Variants in PITPNC1 observed in about 807,000 individuals in gnomAD.
The protein encoded by PITPNC1 is cytoplasmic phosphatidylinositol transfer protein 1.
In PITPNC1, 18 loss-of-function variants were observed where a neutral mutation model predicts 44.7. That is an observed-to-expected ratio of 0.40 (90% CI 0.28 to 0.60). PITPNC1 has a LOEUF of 0.60. Ranked by LOEUF, PITPNC1 falls within the 20% of genes least tolerant of loss-of-function variation. The pLI is 0.39. For missense variants in PITPNC1, 290 were observed against 418.4 expected, an observed-to-expected ratio of 0.69 and a Z score of 2.68; for synonymous variants, 141 against 149.6, an observed-to-expected ratio of 0.94 and a Z score of 0.42.
intron 2 of PITPNC1, among the ~76,000 whole-genome samples, chr17:67,534,638 CAAAAA>C (rs935531202): frequency 1.2e-4 from 15 of 128,682 alleles, no homozygotes; most frequent in Middle Eastern, 3.9e-3. Context: ...GACCTTGTCT[CAAAAA>C]AAAAGAAAAG....
At chr17:67,674,988 G>C (rs2042577208) in intron 7 of PITPNC1, among the ~76,000 whole-genome samples, 1 of 147,862 alleles carries the variant, frequency 6.8e-6, no homozygotes, top group Non-Finnish European at 1.5e-5. Flanking sequence ...CTCCAGCTTG[G>C]CGACAGAGTA....
chr17:67,436,996 T>C (rs1423261993), intron 1 of PITPNC1, among the ~76,000 whole-genome samples: 1 of 135,524 alleles, frequency 7.4e-6, no homozygotes, highest in African/African-American at 2.7e-5. Flanking sequence ...CACAGTTCAC[T>C]GCAGCCTTGA....
At chr17:67,490,531 G>A (rs1333007323) in intron 1 of PITPNC1, among the ~76,000 whole-genome samples, 3 of 152,048 alleles carry the variant, frequency 2.0e-5, no homozygotes, top group East Asian at 1.9e-4. Flanking sequence ...GAGAGCCCCC[G>A]GGTGTGAACC....
At chr17:67,537,929 G>A (rs909319929) in intron 2 of PITPNC1, among the ~76,000 whole-genome samples, 3 of 151,058 alleles carry the variant, frequency 2.0e-5, no homozygotes, top group Admixed American at 1.3e-4. Context: ...CCAAGATCGC[G>A]CCAGTGCACT....
intron 6 of PITPNC1, among the ~76,000 whole-genome samples, chr17:67,661,016 G>A (rs760511348): frequency 5.5e-5 from 8 of 144,472 alleles, no homozygotes; most frequent in East Asian, 4.1e-4. Context: ...CCGCCACCAC[G>A]CCCAGCTAAT....
chr17:67,385,301 T>A (rs1439850610), intron 1 of PITPNC1, among the ~76,000 whole-genome samples: 1 of 152,164 alleles, frequency 6.6e-6, no homozygotes, highest in Admixed American at 6.6e-5. Context: ...ATCAGCACTC[T>A]GCAAAAACGC....
chr17:67,641,837 T>C (rs2042096993), intron 6 of PITPNC1, among the ~76,000 whole-genome samples: 1 of 147,802 alleles, frequency 6.8e-6, no homozygotes, highest in Admixed American at 6.8e-5. Flanking sequence ...GAGTGTACGG[T>C]GGTGCCATGT....
chr17:67,575,156 C>T (rs548823237), intron 4 of PITPNC1, among the ~76,000 whole-genome samples: 75 of 152,018 alleles, frequency 4.9e-4, no homozygotes, highest in Non-Finnish European at 9.4e-4. Context: ...GTTTGACTCT[C>T]ATATGAATTA....
intron 1 of PITPNC1, chr17:67,457,057 G>A (rs1278458754): frequency 6.6e-6 from 1 of 152,130 alleles, no homozygotes; most frequent in Non-Finnish European, 1.5e-5. Flanking sequence ...CCAGGCTGGA[G>A]TGCAGTGGCC....
At chr17:67,382,063 A>G (rs1243631643) in intron 1 of PITPNC1, among the ~76,000 whole-genome samples, 2 of 152,190 alleles carry the variant, frequency 1.3e-5, no homozygotes, top group Non-Finnish European at 2.9e-5. Flanking sequence ...GAAACCCATT[A>G]TTTGTTTTTC....
At chr17:67,430,823 A>G (rs1394587523) in intron 1 of PITPNC1, among the ~76,000 whole-genome samples, 1 of 151,208 alleles carries the variant, frequency 6.6e-6, no homozygotes, top group Non-Finnish European at 1.5e-5. Context: ...ATGCAGTGGC[A>G]TGTGTCTGTA....
chr17:67,442,806 G>A (rs2039034504), intron 1 of PITPNC1, among the ~76,000 whole-genome samples: 1 of 151,912 alleles, frequency 6.6e-6, no homozygotes, highest in African/African-American at 2.4e-5. Flanking sequence ...AGTGAGCTGG[G>A]ATTGCATCAC....
At chr17:67,679,487 G>C (rs1309027521) in intron 8 of PITPNC1, among the ~76,000 whole-genome samples, 1 of 152,180 alleles carries the variant, frequency 6.6e-6, no homozygotes, top group African/African-American at 2.4e-5. Context: ...ACTGATGCAT[G>C]GGTAGCTCTA....
intron 6 of PITPNC1, among the ~76,000 whole-genome samples, chr17:67,642,627 G>A (rs1013253534): frequency 1.3e-5 from 2 of 152,262 alleles, no homozygotes; most frequent in South Asian, 4.1e-4. Context: ...GAACAATGAG[G>A]TGTTCTTTTT....
intron 2 of PITPNC1, among the ~76,000 whole-genome samples, chr17:67,547,320 G>A (rs1486856391): frequency 2.6e-5 from 4 of 152,132 alleles, no homozygotes; most frequent in Admixed American, 1.3e-4. Context: ...TTTGATTCCA[G>A]TCTGGGCAAC....
chr17:67,422,474 G>T (rs2038684638), intron 1 of PITPNC1, among the ~76,000 whole-genome samples: 1 of 152,132 alleles, frequency 6.6e-6, no homozygotes, highest in South Asian at 2.1e-4. Flanking sequence ...CCATCCTCTT[G>T]CCTTGGCCTC....
At chr17:67,474,794 G>A (rs1186963203) in intron 1 of PITPNC1, among the ~76,000 whole-genome samples, 2 of 151,652 alleles carry the variant, frequency 1.3e-5, no homozygotes, top group African/African-American at 4.8e-5. Flanking sequence ...AGCTAGGACT[G>A]CAGGTGCACA....
At chr17:67,471,795 A>AT (rs945820326) in intron 1 of PITPNC1, among the ~76,000 whole-genome samples, 17 of 152,144 alleles carry the variant, frequency 1.1e-4, no homozygotes, top group Admixed American at 7.8e-4. Flanking sequence ...GCACAGTTGT[A>AT]TTAACTAAAC....
At position 67,546,865 on chromosome 17, in the gene PITPNC1, TA is replaced by T. The variant is rs35158674; in HGVS notation, c.198-5390del. On this transcript the variant is annotated intron_variant, in intron 2 of 8. Coordinates refer to ENST00000581322, the MANE Select transcript of PITPNC1 (RefSeq NM_012417.4). ...CCTACTGCCATATAAACAATTACAT[TA>T]AGAGCACAAGTAAAAGACCAGCCAG... Among the ~76,000 whole-genome samples the T allele has an allele frequency of 3.0e-3, 463 of 152,064 alleles. 3 individuals are homozygous for T. The highest frequency in any genetic ancestry group is 5.8e-3 in the Admixed American group (88 of 15,284).
Sources: allele counts gnomAD v4.1 joint callset (sites outside exome capture counted in the v4.1 genomes callset), GRCh38; gene constraint gnomAD v4.1.1; transcripts MANE v1.5; gene names NCBI Gene and HGNC (gene_info 2026-07-23, HGNC 2026-07-21).